Variants in LDLRAD4 observed in about 807,000 individuals in gnomAD.
LDLRAD4 encodes low-density lipoprotein receptor class A domain-containing protein 4.
LDLRAD4 carries 5 observed loss-of-function variants against 17.0 expected under a neutral mutation model. The ratio of observed to expected loss-of-function variants is 0.29; its 90% CI spans 0.15 to 0.62. The LOEUF (loss-of-function observed/expected upper bound fraction) is 0.62. Among genes scored for constraint, LDLRAD4 ranks in the 20% least tolerant of loss-of-function variants. The pLI, the probability that LDLRAD4 is intolerant of heterozygous loss-of-function variation, is 0.84. For synonymous variants in LDLRAD4, 168 were observed against 171.8 expected (o/e 0.98, Z 0.17); for missense variants, 340 against 424.7 (o/e 0.80, Z 1.75).
chr18:13,364,088 A>C (rs1171496442), intron 1 of LDLRAD4, among the ~76,000 whole-genome samples: 1 of 152,232 alleles, frequency 6.6e-6, no homozygotes, highest in African/African-American at 2.4e-5. Flanking sequence ...AACAAGTTTT[A>C]ATATATATTA....
At chr18:13,564,509 C>T (rs994741622) in intron 3 of LDLRAD4, among the ~76,000 whole-genome samples, 4 of 150,454 alleles carry the variant, frequency 2.7e-5, no homozygotes, top group African/African-American at 7.4e-5. Flanking sequence ...AACCTTTCCT[C>T]GCCTCACCTG....
intron 3 of LDLRAD4, among the ~76,000 whole-genome samples, chr18:13,500,286 C>T (rs9916902): frequency 0.12 from 17,576 of 152,240 alleles, 2,123 homozygotes; most frequent in African/African-American, 0.31. Context: ...AGGCACATTG[C>T]GTCGTCTCTC....
intron 3 of LDLRAD4, among the ~76,000 whole-genome samples, chr18:13,545,367 A>G (rs1394426523): frequency 6.6e-6 from 1 of 152,214 alleles, no homozygotes; most frequent in African/African-American, 2.4e-5. Flanking sequence ...TTATATATCA[A>G]CGAATCCTTT....
chr18:13,609,557 G>GTGTGTGTT (rs2039297986), intron 3 of LDLRAD4, among the ~76,000 whole-genome samples: 1 of 151,070 alleles, frequency 6.6e-6, no homozygotes, highest in African/African-American at 2.4e-5. Context: ...GTGTGTGTGT[G>GTGTGTGTT]TTAGGTGTGG....
chr18:13,621,135 A>G lies in LDLRAD4; in HGVS notation c.200A>G (p.Gln67Arg), dbSNP rs1173118521. ...ATGGCAGCGGAGCTGGAGTTCGCCC[A>G]AATCATCATCATCGTCGTGGTGGTC... Residue 67 changes from glutamine (Q) to arginine (R), a missense_variant, in exon 4 of 6, where the codon CAA becomes CGA. By Grantham distance (43) the Gln-to-Arg change is conservative (BLOSUM62 1). Transcript: ENST00000359446. This position sits in a 1 kb window ranked among gnomAD's most constrained non-coding sequence, Gnocchi z 5.5. 1 of 1,614,174 alleles carries G rather than the reference A, an allele frequency of 6.2e-7. No homozygotes were observed. The highest frequency in any genetic ancestry group is 1.7e-5 in the Admixed American group (1 of 60,030).
intron 1 of LDLRAD4, among the ~76,000 whole-genome samples, chr18:13,348,420 C>G (rs929910879): frequency 1.3e-5 from 2 of 152,160 alleles, no homozygotes; most frequent in Non-Finnish European, 2.9e-5. Context: ...GCTGCCCGAT[C>G]ATTCCTCTGG....
intron 2 of LDLRAD4, among the ~76,000 whole-genome samples, chr18:13,401,406 T>C (rs2087181857): frequency 6.6e-6 from 1 of 151,508 alleles, no homozygotes; most frequent in South Asian, 2.1e-4. Context: ...TCTCCAACAC[T>C]GAGTTTCACC....
chr18:13,239,032 G>A (rs139655552), intron 1 of LDLRAD4, among the ~76,000 whole-genome samples: 53 of 151,778 alleles, frequency 3.5e-4, no homozygotes, highest in Admixed American at 2.6e-3. Flanking sequence ...CTAAAAATAA[G>A]AAAAATTAGC....
chr18:13,425,409 A>T (rs753515), intron 2 of LDLRAD4, among the ~76,000 whole-genome samples: 3,864 of 152,262 alleles, frequency 0.025, 178 homozygotes, highest in African/African-American at 0.09. Context: ...ATTTATGCCA[A>T]TTATTCTTGC....
chr18:13,274,546 A>T (rs117780594), upstream of LDLRAD4, among the ~76,000 whole-genome samples: 1,611 of 152,378 alleles, frequency 0.011, 18 homozygotes, highest in East Asian at 0.063. Flanking sequence ...TGCGAGGCTA[A>T]GCATGAGGGA....
chr18:13,290,102 C>T (rs186285927), intron 1 of LDLRAD4, among the ~76,000 whole-genome samples: 4 of 152,306 alleles, frequency 2.6e-5, no homozygotes, highest in Admixed American at 2.0e-4. Flanking sequence ...CTGGAGGAGC[C>T]GGCAGGGCCT....
chr18:13,429,996 A>G (rs565140540), intron 2 of LDLRAD4, among the ~76,000 whole-genome samples: 35 of 152,186 alleles, frequency 2.3e-4, no homozygotes, highest in African/African-American at 7.7e-4. Context: ...TGGACTGTCC[A>G]CTTCTCCCTT....
intron 4 of LDLRAD4, among the ~76,000 whole-genome samples, chr18:13,624,712 C>T (rs1212076769): frequency 6.6e-6 from 1 of 152,198 alleles, no homozygotes; most frequent in Non-Finnish European, 1.5e-5. Context: ...CCTAGGTGAC[C>T]ACCTGTGTCA....
At chr18:13,589,217 A>G (rs1255317038) in intron 3 of LDLRAD4, among the ~76,000 whole-genome samples, 1 of 152,186 alleles carries the variant, frequency 6.6e-6, no homozygotes, top group Non-Finnish European at 1.5e-5. Context: ...TACAGAAATG[A>G]GCCAGCATGC....
intron 1 of LDLRAD4, among the ~76,000 whole-genome samples, chr18:13,380,497 C>T (rs1273508506): frequency 1.3e-5 from 2 of 152,210 alleles, no homozygotes; most frequent in African/African-American, 4.8e-5. Context: ...TCGCCTCCTC[C>T]ACAAAGCACA....
At chr18:13,298,936 G>A (rs2046429665) in intron 1 of LDLRAD4, among the ~76,000 whole-genome samples, 1 of 152,234 alleles carries the variant, frequency 6.6e-6, no homozygotes, top group Admixed American at 6.5e-5. Flanking sequence ...TTCTGGGGGA[G>A]CATCCACAGG....
At chr18:13,258,259 G>A (rs960846790) in intron 1 of LDLRAD4, among the ~76,000 whole-genome samples, 1 of 152,146 alleles carries the variant, frequency 6.6e-6, no homozygotes, top group East Asian at 1.9e-4. Flanking sequence ...CAGTAGGTAC[G>A]CTTACTTTTC....
At chr18:13,561,295 C>T (rs982220938) in intron 3 of LDLRAD4, 4 of 152,142 alleles carry the variant, frequency 2.6e-5, no homozygotes, top group Non-Finnish European at 5.9e-5. Context: ...ACTTATCACC[C>T]CTTACTCTTT....
intron 1 of LDLRAD4, among the ~76,000 whole-genome samples, chr18:13,221,995 C>A (rs914351849): frequency 3.9e-5 from 6 of 152,168 alleles, no homozygotes; most frequent in African/African-American, 1.4e-4. Flanking sequence ...ATTGGCATTC[C>A]CAGAACCCAC....
Sources: allele counts gnomAD v4.1 joint callset (sites outside exome capture counted in the v4.1 genomes callset), GRCh38; gene constraint gnomAD v4.1.1; non-coding constraint Gnocchi (gnomAD v3.1); transcripts MANE v1.5; gene names NCBI Gene and HGNC (gene_info 2026-07-23, HGNC 2026-07-21).